Variants in DENND5B observed in about 807,000 individuals in gnomAD.
The protein encoded by DENND5B is DENN domain containing 5B, also known as DENN domain-containing protein 5B.
In DENND5B, 34 loss-of-function variants were observed where a neutral mutation model predicts 140.6. The observed-to-expected ratio is 0.24, with a 90% CI of 0.18 to 0.32. The LOEUF is 0.32. DENND5B is among the 10% of genes least tolerant of loss of function. The probability of loss-of-function intolerance (pLI) is 1.00; values close to 1 mark genes in which losing one functional copy is unlikely to be tolerated. For missense variants in DENND5B, 1,142 were observed against 1,560.2 expected (o/e 0.73, Z 4.52); for synonymous variants, 551 against 562.1 (o/e 0.98, Z 0.28).
intron 1 of DENND5B, among the ~76,000 whole-genome samples, chr12:31,552,766 A>G (rs1402662563): frequency 3.9e-5 from 6 of 152,122 alleles, no homozygotes; most frequent in Non-Finnish European, 8.8e-5. Context: ...GTCTATTCAG[A>G]GATTCAACTT....
At chr12:31,507,967 C>A (rs1272977308) in intron 1 of DENND5B, among the ~76,000 whole-genome samples, 1 of 152,044 alleles carries the variant, frequency 6.6e-6, no homozygotes, top group African/African-American at 2.4e-5. Context: ...AATTATTTAT[C>A]CAATGTATTT....
At chr12:31,540,381 T>C (rs1226458157) in intron 1 of DENND5B, among the ~76,000 whole-genome samples, 2 of 152,162 alleles carry the variant, frequency 1.3e-5, no homozygotes, top group Non-Finnish European at 2.9e-5. Context: ...AGGCCAGGCG[T>C]GATGCCTCAT....
chr12:31,431,166 TAGG>T (rs1469783685), intron 8 of DENND5B, among the ~76,000 whole-genome samples: 1 of 152,168 alleles, frequency 6.6e-6, no homozygotes, highest in Non-Finnish European at 1.5e-5. Flanking sequence ...AACAAACCAC[TAGG>T]AACTACCTAT....
rs1446963127 is a variant in DENND5B at position 31,413,482 on chromosome 12, A to C, written c.2635T>G (p.Leu879Val). The C allele has an allele frequency of 6.2e-7, 1 of 1,613,868 alleles. No homozygotes were observed. The highest frequency in any genetic ancestry group is 8.5e-7 in the Non-Finnish European group (1 of 1,179,800). The stretch of plus-strand genomic sequence containing the variant: ...AGCAACTGCTTAAGATGCTGGGACA[A>C]GAGCTTCTTTTCTAGAGACAGTCTT... ...WIRLSLEKKL[L>V]SQHLKQLLSN... Residue 879 changes from leucine (L) to valine (V), a missense_variant, in exon 13 of 21, where the codon TTG (leucine) becomes GTG (valine). This residue lies in a region of DENND5B where 268 missense variants were observed against 349.2 expected (regional missense o/e 0.77). Transcript: ENST00000389082.
At chr12:31,516,650 T>C (rs1947666185) in intron 1 of DENND5B, among the ~76,000 whole-genome samples, 1 of 152,182 alleles carries the variant, frequency 6.6e-6, no homozygotes, top group African/African-American at 2.4e-5. Flanking sequence ...AAGACTGATA[T>C]AATATCTGAC....
chr12:31,426,034 T>C (rs1424337658), intron 9 of DENND5B, among the ~76,000 whole-genome samples: 1 of 152,174 alleles, frequency 6.6e-6, no homozygotes, highest in Non-Finnish European at 1.5e-5. Context: ...AAGACATCCG[T>C]TCATGTTGGT....
chr12:31,448,471 T>G (rs565978937), intron 5 of DENND5B, among the ~76,000 whole-genome samples: 38 of 152,320 alleles, frequency 2.5e-4, no homozygotes, highest in Middle Eastern at 3.4e-3. Flanking sequence ...ATTCCTAGCC[T>G]ATGAAATATA....
In DENND5B at chr12:31,495,816, C is replaced by CA; in HGVS notation, c.230dup (p.Asn78GlufsTer7). On this transcript the variant is annotated frameshift_variant, in exon 2 of 21. Transcript: ENST00000389082. LOFTEE classifies it high-confidence loss of function. ...GGGGAAAAAAAACACATACCATGTTCACCGCATCTTGATCAAAAGGGTTCC... is the reference window on the plus strand; with the variant it reads ...GGGGAAAAAAAACACATACCATGTTCAACCGCATCTTGATCAAAAGGGTTCC... 1 of 1,607,090 alleles carries CA rather than the reference C, an allele frequency of 6.2e-7. No homozygotes were observed. Among genetic ancestry groups the CA allele is most frequent in the Admixed American group, 1.7e-5 (1 of 58,716 alleles).
chr12:31,399,030 G>A (rs1593058264), intron 16 of DENND5B, among the ~76,000 whole-genome samples: 1 of 147,492 alleles, frequency 6.8e-6, no homozygotes, highest in African/African-American at 2.5e-5. Context: ...GCTGAAGCAC[G>A]AGAACTGCTT....
In DENND5B at chr12:31,395,858, A is replaced by G. The variant is rs1941416736; in HGVS notation, c.3256+2317T>C. Among the ~76,000 whole-genome samples, 3 of 150,530 alleles carry G rather than the reference A, an allele frequency of 2.0e-5. No homozygotes were observed. The South Asian group carries it at 6.3e-4, about 32-fold the overall frequency. On this transcript the variant is annotated intron_variant, in intron 17 of 20. Transcript: ENST00000389082. ...TGTGGCTGCCTTCTGTGGCTGCTGT[A>G]ATAGACTCACAAAACTTGGTGGCTT...
chr12:31,546,660 T>A (rs995643795), intron 1 of DENND5B, among the ~76,000 whole-genome samples: 3 of 152,184 alleles, frequency 2.0e-5, no homozygotes, highest in African/African-American at 7.2e-5. Flanking sequence ...CACTCCAGCC[T>A]GGGAGACAGA....
chr12:31,535,072 TCAAAAAAAAAAAAAA>T (rs1948438097), intron 1 of DENND5B: 1 of 69,724 alleles, frequency 1.4e-5, no homozygotes. Context: ...AGACTCTGTC[TCAAAAAAAAAAAAAA>T]AAAAAAAAAA....
intron 1 of DENND5B, among the ~76,000 whole-genome samples, chr12:31,537,495 T>C (rs945406309): frequency 4.0e-5 from 6 of 151,438 alleles, no homozygotes; most frequent in Non-Finnish European, 7.4e-5. Flanking sequence ...AAATAAGAAA[T>C]TAAAATCATA....
At chr12:31,578,093 C>T (rs977522058) in intron 1 of DENND5B, among the ~76,000 whole-genome samples, 2 of 141,410 alleles carry the variant, frequency 1.4e-5, no homozygotes, top group Admixed American at 7.5e-5. Context: ...TGCCACTGCA[C>T]TCCAGCCTGG....
chr12:31,495,689 A>C, intron 2 of DENND5B, 121 bp downstream of exon 2: 1 of 859,000 alleles, frequency 1.2e-6, no homozygotes, highest in South Asian at 2.2e-5. Flanking sequence ...CATTTCTTAT[A>C]AAATCACTTA....
intron 2 of DENND5B, among the ~76,000 whole-genome samples, chr12:31,490,919 T>A (rs1369516863): frequency 3.3e-5 from 5 of 152,220 alleles, no homozygotes; most frequent in Admixed American, 2.0e-4. Flanking sequence ...GTTATTACTC[T>A]TTTGTTACCT....
chr12:31,550,479 GT>G lies in DENND5B; in HGVS notation c.127+40226del, dbSNP rs572847053. Among the ~76,000 whole-genome samples, 630 of 152,052 alleles carry G rather than the reference GT, an allele frequency of 4.1e-3. 5 individuals are homozygous for G. The highest frequency in any genetic ancestry group is 0.014 in the African/African-American group (574 of 41,462). The stretch of plus-strand genomic sequence containing the variant: ...CAGTCTATCGTTCTTGGACATTTAG[GT>G]TGGTTCCAAGTCTTTGCTATTGTGA... On this transcript the variant is annotated intron_variant, in intron 1 of 20. Transcript: ENST00000389082.
At chr12:31,432,575 A>G (rs1323533052) in intron 8 of DENND5B, 3 of 152,250 alleles carry the variant, frequency 2.0e-5, no homozygotes, top group African/African-American at 7.2e-5. Context: ...GACCTGGGCA[A>G]CATAGCAAGA....
intron 1 of DENND5B, among the ~76,000 whole-genome samples, chr12:31,518,286 G>C (rs1427480008): frequency 6.6e-6 from 1 of 152,148 alleles, no homozygotes; most frequent in Non-Finnish European, 1.5e-5. Flanking sequence ...TTATCTTTAA[G>C]AGCCTGAGCA....
Sources: gnomAD v4.1 joint callset for allele counts (sites outside exome capture counted in the v4.1 genomes callset) on GRCh38, gnomAD v4.1.1 for gene constraint, gnomAD v4.1.1 regional missense constraint, MANE v1.5 for transcripts, NCBI Gene and HGNC (gene_info 2026-07-23, HGNC 2026-07-21) for gene names.